SPTLC2: variants seen among roughly 807,000 people sequenced by gnomAD.
SPTLC2 encodes serine palmitoyltransferase long chain base subunit 2.
In SPTLC2, 21 loss-of-function variants were observed where a neutral mutation model predicts 62.0. That is an observed-to-expected ratio of 0.34 (90% CI 0.24 to 0.49). The LOEUF (loss-of-function observed/expected upper bound fraction) is 0.49. Ranked by LOEUF, SPTLC2 falls within the 20% of genes least tolerant of loss-of-function variation. SPTLC2 has a pLI of 0.99. For synonymous variants in SPTLC2, 261 were observed against 261.8 expected (o/e 1.00, Z 0.03); for missense variants, 511 against 713.0 (o/e 0.72, Z 3.23).
chr14:77,519,566 A>G (rs2079376184), intron 10 of SPTLC2, among the ~76,000 whole-genome samples: 1 of 152,040 alleles, frequency 6.6e-6, no homozygotes, highest in African/African-American at 2.4e-5. Context: ...AAAAATACAA[A>G]AATTAGCCAG....
intron 1 of SPTLC2, 86 bp downstream of exon 1, chr14:77,616,362 G>T (rs1188506355): frequency 2.4e-6 from 2 of 837,042 alleles, no homozygotes; most frequent in African/African-American, 1.8e-5. Context: ...ATTGCCCAGC[G>T]GATGGCCCGG....
rs1454757484 is a variant in SPTLC2 at position 77,512,206 on chromosome 14, G to C, written c.*78C>G. 6.2e-7 allele frequency: 1 copy of C among 1,604,874 alleles called. No homozygotes were observed. Among genetic ancestry groups the C allele is most frequent in the Non-Finnish European group, 8.5e-7 (1 of 1,173,928 alleles). Reference sequence around the variant, plus strand: ...TCACGTGAGATGGCCACAGAAGTGTGGTTCCTGGAACTGGCTCACAAAGGC... The same window carrying C: ...TCACGTGAGATGGCCACAGAAGTGTCGTTCCTGGAACTGGCTCACAAAGGC... On this transcript the variant is annotated 3_prime_UTR_variant, in exon 12 of 12. Coordinates refer to ENST00000216484, the MANE Select transcript of SPTLC2 (RefSeq NM_004863.4).
chr14:77,615,769 T>C (rs949365548), intron 1 of SPTLC2, among the ~76,000 whole-genome samples: 2 of 152,196 alleles, frequency 1.3e-5, no homozygotes, highest in African/African-American at 4.8e-5. Flanking sequence ...AATCCCCTTG[T>C]GTGATAGCAC....
At chr14:77,557,474 A>G (rs2140022384) in intron 6 of SPTLC2, among the ~76,000 whole-genome samples, 1 of 152,352 alleles carries the variant, frequency 6.6e-6, no homozygotes, top group East Asian at 1.9e-4. Context: ...ATCGAAAAAT[A>G]CAGAATCAAA....
chr14:77,575,693 G>A lies in SPTLC2; in HGVS notation c.631+1074C>T, dbSNP rs538593229. Among the ~76,000 whole-genome samples, 5 of 152,196 alleles carry A rather than the reference G, an allele frequency of 3.3e-5. No individual in the cohort carries two copies. The South Asian group carries it at 6.2e-4, about 19-fold the overall frequency. Reference sequence around the variant, plus strand: ...ATCACAAGCATGCGCCACCACGTTCGGCTACTTTATCTTTATTTTTTTAGA... The same window carrying A: ...ATCACAAGCATGCGCCACCACGTTCAGCTACTTTATCTTTATTTTTTTAGA... On this transcript the variant is annotated intron_variant, in intron 4 of 11. Transcript: ENST00000216484.
At chr14:77,529,264 T>C (rs2079424714) in intron 9 of SPTLC2, among the ~76,000 whole-genome samples, 1 of 151,542 alleles carries the variant, frequency 6.6e-6, no homozygotes, top group African/African-American at 2.4e-5. Flanking sequence ...TTTTTTTTTT[T>C]TTTTTTTTTT....
At chr14:77,588,236 C>T (rs533731242) in intron 2 of SPTLC2, among the ~76,000 whole-genome samples, 1 of 152,148 alleles carries the variant, frequency 6.6e-6, no homozygotes, top group Non-Finnish European at 1.5e-5. Context: ...CCACACCCAG[C>T]TGGAAAATGT....
rs144149058 is a variant in SPTLC2, at chr14:77,526,613, A to C, written c.1304-5032T>G. 1.6e-3 allele frequency among the ~76,000 whole-genome samples: 239 copies of C among 152,256 alleles called. 1 individual carries two copies. The highest frequency in any genetic ancestry group is 5.6e-3 in the African/African-American group (232 of 41,518). On this transcript the variant is annotated intron_variant, in intron 9 of 11. Coordinates refer to ENST00000216484, the MANE Select transcript of SPTLC2 (RefSeq NM_004863.4). ...ATTTTTAGGAACTCTACTGTAAAAA[A>C]ATCTACAGCTTGGCATGGAAGAGAC...
At chr14:77,541,681 T>C (rs911406775) in intron 9 of SPTLC2, among the ~76,000 whole-genome samples, 3 of 152,208 alleles carry the variant, frequency 2.0e-5, no homozygotes, top group Admixed American at 2.0e-4. Flanking sequence ...CAGATAACAC[T>C]TTAAACTCTT....
At chr14:77,596,920 G>C (rs530715411) in intron 2 of SPTLC2, among the ~76,000 whole-genome samples, 8 of 152,164 alleles carry the variant, frequency 5.3e-5, no homozygotes, top group South Asian at 4.1e-4. Context: ...TGTTTAACTT[G>C]TGACTTTTTG....
intron 5 of SPTLC2, among the ~76,000 whole-genome samples, chr14:77,565,683 T>C (rs902431683): frequency 6.6e-6 from 1 of 152,194 alleles, no homozygotes; most frequent in Admixed American, 6.5e-5. Context: ...TATCCCAGAT[T>C]GGAGGAGACT....
chr14:77,509,982 T>C lies in SPTLC2; in HGVS notation c.*2302A>G, dbSNP rs11159269. The C allele has an allele frequency of 0.81, 320,685 of 398,208 alleles. 132,027 individuals are homozygous for C. Among genetic ancestry groups the C allele is most frequent in the East Asian group, 0.97 (27,242 of 27,996 alleles). 24.7% of individuals were successfully genotyped at this position (398,208 alleles called of 1,614,324 possible). A position where few individuals can be genotyped will look rare whatever the true frequency, so the allele number is the denominator to read the frequency against. On this transcript the variant is annotated 3_prime_UTR_variant, in exon 12 of 12. Transcript: ENST00000216484. ...GACTAGCAGGTAAGTTCATTGCTTA[T>C]AAGTTTGTGACTTTTACAAACCCTA...
intron 9 of SPTLC2, among the ~76,000 whole-genome samples, chr14:77,537,580 C>A (rs999169317): frequency 9.2e-5 from 14 of 152,162 alleles, no homozygotes; most frequent in African/African-American, 3.4e-4. Flanking sequence ...GCAAAATTAC[C>A]TATATAGTCA....
chr14:77,613,431 G>T (rs2364579), intron 1 of SPTLC2, among the ~76,000 whole-genome samples: 2,375 of 152,256 alleles, frequency 0.016, 27 homozygotes, highest in South Asian at 0.028. Context: ...CTGCTCTATT[G>T]TTCAACTGTT....
At chr14:77,577,861 C>A (rs1437434653) in intron 3 of SPTLC2, among the ~76,000 whole-genome samples, 1 of 152,168 alleles carries the variant, frequency 6.6e-6, no homozygotes, top group African/African-American at 2.4e-5. Flanking sequence ...GATGGTGCCA[C>A]TGCACTCCAG....
chr14:77,512,522 A>G, intron 11 of SPTLC2, 119 bp from the exon 12 acceptor site: 1 of 1,467,590 alleles, frequency 6.8e-7, no homozygotes. Context: ...ACTTATGTCT[A>G]GTGCATTTAC....
Position 77,563,941 on chromosome 14 carries a change from G to GTTAAAAATGTACAGA in SPTLC2, c.757-1467_757-1453dup, listed in dbSNP as rs570658942. ...TTTATTAAGATAAAAAAGCTACCTG[G>GTTAAAAATGTACAGA]TTAAAAATGTACAGATTAAAAATGA... On this transcript the variant is annotated intron_variant, in intron 5 of 11. Coordinates refer to ENST00000216484, the MANE Select transcript of SPTLC2 (RefSeq NM_004863.4). 7.1e-3 allele frequency among the ~76,000 whole-genome samples: 1,075 copies of GTTAAAAATGTACAGA among 152,030 alleles called. 17 individuals carry two copies. Among genetic ancestry groups the GTTAAAAATGTACAGA allele is most frequent in the African/African-American group, 0.025 (1,025 of 41,462 alleles).
rs1434012123 is a variant in SPTLC2 at position 77,510,716 on chromosome 14, C to T, written c.*1568G>A. 6.6e-6 allele frequency: 1 copy of T among 152,206 alleles called. No homozygotes were observed. Among genetic ancestry groups the T allele is most frequent in the Non-Finnish European group, 1.5e-5 (1 of 68,072 alleles). The allele number at this position is 152,206 out of a possible 1,614,324, so 9.4% of individuals were successfully genotyped here. A position where few individuals can be genotyped will look rare whatever the true frequency, so the allele number is the denominator to read the frequency against. ...CTTGAATTCCTGACCTCAAGTGAGC[C>T]ACCTGCCTCAGCCTCCCAAAGTGCT... On this transcript the variant is annotated 3_prime_UTR_variant, in exon 12 of 12. Transcript: ENST00000216484.
chr14:77,601,076 ATATTT>A (rs2079874791), intron 1 of SPTLC2, among the ~76,000 whole-genome samples: 1 of 152,222 alleles, frequency 6.6e-6, no homozygotes, highest in Non-Finnish European at 1.5e-5. Flanking sequence ...ACAAGATGGC[ATATTT>A]TTTGTTTATA....
Sources: allele counts gnomAD v4.1 joint callset (sites outside exome capture counted in the v4.1 genomes callset), GRCh38; gene constraint gnomAD v4.1.1; transcripts MANE v1.5; gene names NCBI Gene and HGNC (gene_info 2026-07-23, HGNC 2026-07-21).